Variants in PDLIM5 observed in about 807,000 individuals in gnomAD.
The protein encoded by PDLIM5 is PDZ and LIM domain 5, also known as PDZ and LIM domain protein 5.
Under a neutral mutation model 64.2 loss-of-function variants are expected in PDLIM5, and 34 were observed. The observed-to-expected ratio is 0.53, with a 90% CI of 0.40 to 0.71. The LOEUF (loss-of-function observed/expected upper bound fraction) is 0.71, where lower values mean the gene tolerates loss of function less well. Ranked by LOEUF, PDLIM5 falls within the 30% of genes least tolerant of loss-of-function variation. The probability of loss-of-function intolerance (pLI) is 0.00; values close to 1 mark genes in which losing one functional copy is unlikely to be tolerated. For synonymous variants in PDLIM5, 253 were observed against 269.1 expected (o/e 0.94, Z 0.59); for missense variants, 683 against 733.6 (o/e 0.93, Z 0.80).
intron 2 of PDLIM5, among the ~76,000 whole-genome samples, chr4:94,462,419 A>G (rs969214660): frequency 6.6e-6 from 1 of 151,756 alleles, no homozygotes; most frequent in Non-Finnish European, 1.5e-5. Flanking sequence ...ATATATCTTC[A>G]TTCTTCATTC....
At chr4:94,456,934 A>G (rs1340085524) in intron 2 of PDLIM5, 18 of 992,336 alleles carry the variant, frequency 1.8e-5, no homozygotes, top group Non-Finnish European at 2.2e-5. Context: ...ACATGACTGT[A>G]TGGAAGAGCT....
At chr4:94,549,517 T>C (rs1263233819) in intron 3 of PDLIM5, among the ~76,000 whole-genome samples, 2 of 152,216 alleles carry the variant, frequency 1.3e-5, no homozygotes, top group Admixed American at 6.5e-5. Context: ...AAGAGCAAGC[T>C]AAATGTTCAT....
At chr4:94,607,819 A>G (rs528728856) in intron 7 of PDLIM5, among the ~76,000 whole-genome samples, 13 of 152,246 alleles carry the variant, frequency 8.5e-5, no homozygotes, top group African/African-American at 3.1e-4. Context: ...TGTAAGCGTA[A>G]TATTTTATTA....
intron 7 of PDLIM5, among the ~76,000 whole-genome samples, chr4:94,609,703 C>T (rs959170673): frequency 6.6e-6 from 1 of 152,048 alleles, no homozygotes; most frequent in African/African-American, 2.4e-5. Flanking sequence ...AAACATAAGT[C>T]GTATTAAAAT....
At chr4:94,659,494 A>ATGTGTGTGTGTGTG (rs1163008328) in intron 11 of PDLIM5, among the ~76,000 whole-genome samples, 4 of 109,060 alleles carry the variant, frequency 3.7e-5, no homozygotes, top group African/African-American at 1.4e-4. Flanking sequence ...ATATGTGTGT[A>ATGTGTGTGTGTGTG]TGTGTGTGTG....
chr4:94,504,199 G>A (rs946728583), intron 2 of PDLIM5, among the ~76,000 whole-genome samples: 3 of 151,874 alleles, frequency 2.0e-5, no homozygotes, highest in Admixed American at 2.0e-4. Flanking sequence ...TCATTTTATA[G>A]CATTTTCTAC....
In PDLIM5 at chr4:94,618,147, C is replaced by G. The variant is rs774561347; in HGVS notation, c.1064C>G (p.Thr355Ser). The G allele has an allele frequency of 1.2e-6, 2 of 1,608,962 alleles. No homozygotes were observed. Among genetic ancestry groups the G allele is most frequent in the Non-Finnish European group, 1.7e-6 (2 of 1,177,820 alleles). Residue 355 changes from threonine to serine, a missense_variant, in exon 8 of 13, where the codon ACT (threonine) becomes AGT (serine). Thr to Ser is a moderately conservative substitution (Grantham distance 58). Coordinates refer to ENST00000317968, the MANE Select transcript of PDLIM5 (RefSeq NM_006457.5). ...AAAAFKPVGS[T>S]GVIKSPSWQR... is the part of the protein sequence containing the mutation. ...GCTGCCTTCAAGCCTGTAGGATCCA[C>G]TGGCGTCATCAAGTCACCAAGCTGG...
intron 5 of PDLIM5, chr4:94,582,981 T>C (rs1474282461): frequency 2.5e-6 from 1 of 405,444 alleles, no homozygotes; most frequent in Non-Finnish European, 4.4e-6. Flanking sequence ...TAGATGAGTA[T>C]TATGGACAGT....
In PDLIM5 at chr4:94,478,890, G is replaced by GTTTTTTT. The variant is rs67013211; in HGVS notation, c.96+23527_96+23533dup. Among the ~76,000 whole-genome samples, 10 of 94,084 alleles carry GTTTTTTT rather than the reference G, an allele frequency of 1.1e-4. 1 individual carries two copies. The highest frequency in any genetic ancestry group is 3.6e-4 in the African/African-American group (8 of 22,356). The allele number at this position is 94,084 out of a possible 152,430, so 61.7% of individuals were successfully genotyped here. On this transcript the variant is annotated intron_variant, in intron 2 of 12. Transcript: ENST00000317968. ...CCAAAAGAAGGTAGGTGTGCTTGGT[G>GTTTTTTT]TTTTTTTTTTTTTTTTTTTTTTTTT... is the stretch of plus-strand genomic sequence containing the variant.
chr4:94,572,083 T>C (rs17021820), intron 3 of PDLIM5, among the ~76,000 whole-genome samples: 1 of 152,088 alleles, frequency 6.6e-6, no homozygotes, highest in Admixed American at 6.5e-5. Context: ...ATTATACTCA[T>C]AGAGACCGAA....
intron 3 of PDLIM5, among the ~76,000 whole-genome samples, chr4:94,548,334 C>G (rs1732505492): frequency 6.6e-6 from 1 of 152,114 alleles, no homozygotes; most frequent in African/African-American, 2.4e-5. Context: ...CTTTTGAAAT[C>G]CATTTGTCCT....
At chr4:94,491,570 G>C (rs139359412) in intron 2 of PDLIM5, among the ~76,000 whole-genome samples, 1 of 152,066 alleles carries the variant, frequency 6.6e-6, no homozygotes, top group African/African-American at 2.4e-5. Context: ...AAGTTTCACA[G>C]CCTTTACAAC....
chr4:94,662,245 C>T (rs1175063047), intron 11 of PDLIM5, among the ~76,000 whole-genome samples, 177 bp from the exon 12 acceptor site: 2 of 151,538 alleles, frequency 1.3e-5, no homozygotes, highest in Admixed American at 6.6e-5. Flanking sequence ...AATCCTGAAA[C>T]ATGCTAAACA....
At chr4:94,501,879 T>C (rs2452561) in intron 2 of PDLIM5, among the ~76,000 whole-genome samples, 30,980 of 152,134 alleles carry the variant, frequency 0.2, 3,558 homozygotes, top group East Asian at 0.26. Flanking sequence ...CCATCAGGGA[T>C]GGGAGAAAAA....
chr4:94,659,772 T>C (rs1262937466), intron 11 of PDLIM5, among the ~76,000 whole-genome samples: 1 of 151,246 alleles, frequency 6.6e-6, no homozygotes, highest in South Asian at 2.1e-4. Context: ...TCGTGATCCG[T>C]CCACCTCAGC....
At chr4:94,625,380 CAT>C (rs769416747) in intron 8 of PDLIM5, among the ~76,000 whole-genome samples, 16 of 151,842 alleles carry the variant, frequency 1.1e-4, no homozygotes, top group Non-Finnish European at 2.2e-4. Flanking sequence ...AAAATAAAAA[CAT>C]ATATTGATAT....
rs184981816 is a variant in PDLIM5, at chr4:94,474,472, A to G, written c.96+19088A>G. On this transcript the variant is annotated intron_variant, in intron 2 of 12. Coordinates refer to ENST00000317968, the MANE Select transcript of PDLIM5 (RefSeq NM_006457.5). ...CACCATATTGGCCAGGCTGGTATGA[A>G]ACTCCTGACCTCAGGTGATCTGCCC... is the stretch of plus-strand genomic sequence containing the variant. Among the ~76,000 whole-genome samples, 339 of 152,042 alleles carry G rather than the reference A, an allele frequency of 2.2e-3. 2 individuals are homozygous for G. Among genetic ancestry groups the G allele is most frequent in the African/African-American group, 7.8e-3 (324 of 41,490 alleles).
intron 9 of PDLIM5, among the ~76,000 whole-genome samples, chr4:94,641,835 T>A (rs2110461548): frequency 6.6e-6 from 1 of 152,314 alleles, no homozygotes; most frequent in South Asian, 2.1e-4. Context: ...TAGAGCAGTA[T>A]TCAACACACA....
At chr4:94,582,678 C>CT (rs1560719088) in intron 5 of PDLIM5, 1 of 1,482,688 alleles carries the variant, frequency 6.7e-7, no homozygotes, top group East Asian at 2.3e-5. Flanking sequence ...CTTCTCTACT[C>CT]TATCGCATCT....
Sources: gnomAD v4.1 joint callset for allele counts (sites outside exome capture counted in the v4.1 genomes callset) on GRCh38, gnomAD v4.1.1 for gene constraint, MANE v1.5 for transcripts, NCBI Gene and HGNC (gene_info 2026-07-23, HGNC 2026-07-21) for gene names.